CELF2: variants seen among roughly 807,000 people sequenced by gnomAD.
CELF2 encodes CUG triplet repeat RNA-binding protein 2.
In CELF2, 8 loss-of-function variants were observed where a neutral mutation model predicts 62.6. The observed-to-expected ratio is 0.13, with a 90% CI of 0.07 to 0.23. The LOEUF (loss-of-function observed/expected upper bound fraction) is 0.23, where lower values mean the gene tolerates loss of function less well. CELF2 is among the 10% of genes least tolerant of loss of function. The probability of loss-of-function intolerance (pLI) is 1.00; values close to 1 mark genes in which losing one functional copy is unlikely to be tolerated. For missense variants in CELF2, 333 were observed against 671.0 expected, an observed-to-expected ratio of 0.50 and a Z score of 5.56; for synonymous variants, 258 against 250.0, an observed-to-expected ratio of 1.03 and a Z score of -0.30.
intron 2 of CELF2, among the ~76,000 whole-genome samples, chr10:11,185,658 C>T (rs949306604): frequency 3.3e-5 from 5 of 152,226 alleles, no homozygotes; most frequent in African/African-American, 1.2e-4. Flanking sequence ...AGGTGATGCG[C>T]CTGCCTCAGC....
chr10:10,682,397 G>C, the CELF2 span, among the ~76,000 whole-genome samples: 155 of 152,276 alleles, frequency 1.0e-3, 1 homozygote, highest in African/African-American at 3.7e-3. Flanking sequence ...TGTTAGCATA[G>C]AGCATGTTTC....
chr10:10,545,808 A>G, the CELF2 span, among the ~76,000 whole-genome samples: 2 of 152,216 alleles, frequency 1.3e-5, no homozygotes, highest in Admixed American at 6.5e-5. Context: ...GAGCAAAGCC[A>G]CTCAGAAATA....
the CELF2 span, among the ~76,000 whole-genome samples, chr10:10,730,778 A>G: frequency 6.6e-6 from 1 of 152,296 alleles, no homozygotes; most frequent in Admixed American, 6.5e-5. Context: ...GGAAGCACCC[A>G]GGTCACTTCC....
At chr10:10,926,770 A>C (rs1467301961) in intron 2 of CELF2, among the ~76,000 whole-genome samples, 2 of 152,154 alleles carry the variant, frequency 1.3e-5, no homozygotes, top group African/African-American at 2.4e-5. Flanking sequence ...GAAAGGTAGG[A>C]GTCGGGGTAA....
At chr10:10,660,191 C>T in the CELF2 span, among the ~76,000 whole-genome samples, 4 of 152,148 alleles carry the variant, frequency 2.6e-5, no homozygotes, top group Non-Finnish European at 4.4e-5. Flanking sequence ...AAACTGTTCA[C>T]GGATGATCAT....
At chr10:10,736,772 T>C in the CELF2 span, among the ~76,000 whole-genome samples, 1 of 152,162 alleles carries the variant, frequency 6.6e-6, no homozygotes, top group African/African-American at 2.4e-5. Flanking sequence ...CAAGAGGTTT[T>C]ACTAATAACA....
In CELF2 at chr10:11,330,621, A is replaced by G. The variant is rs2095991951; in HGVS notation, c.*1568A>G. 2 of 152,414 alleles carry G rather than the reference A, an allele frequency of 1.3e-5. No homozygotes were observed. Among genetic ancestry groups the G allele is most frequent in the African/African-American group, 4.8e-5 (2 of 41,364 alleles). The allele number at this position is 152,414 out of a possible 1,614,324, so 9.4% of individuals were successfully genotyped here. ...GTTTGACCTTTGAAATTTGCATGTG[A>G]CCTCATCTAGCTATGAATTCTGGGA... On this transcript the variant is annotated 3_prime_UTR_variant, in exon 13 of 13. Coordinates refer to ENST00000633077, the MANE Select transcript of CELF2 (RefSeq NM_001326342.2). This position sits in a 1 kb window ranked among gnomAD's most constrained non-coding sequence, Gnocchi z 4.5.
the CELF2 span, among the ~76,000 whole-genome samples, chr10:10,728,060 TG>T: frequency 6.6e-6 from 1 of 151,466 alleles, no homozygotes; most frequent in South Asian, 2.1e-4. Flanking sequence ...GAGAGAGGGT[TG>T]GGGAAGTCTC....
At chr10:10,746,851 C>A in the CELF2 span, among the ~76,000 whole-genome samples, 1 of 152,190 alleles carries the variant, frequency 6.6e-6, no homozygotes, top group East Asian at 1.9e-4. Context: ...CAACCTAATA[C>A]CACATCACTG....
Position 10,938,831 on chromosome 10 carries a change from G to C in CELF2, c.89+18832G>C, listed in dbSNP as rs183023158. Among the ~76,000 whole-genome samples the C allele has an allele frequency of 1.5e-3, 221 of 152,314 alleles. No homozygotes were observed. Among genetic ancestry groups the C allele is most frequent in the African/African-American group, 4.6e-3 (190 of 41,568 alleles). ...GGACCCCGTGAAGCACTGCCCCACC[G>C]AGGGACGCAGAAGCAGCTGTCTTTT... On this transcript the variant is annotated intron_variant, in intron 2 of 13. Coordinates refer to the CELF2 transcript ENST00000636488. The surrounding 1 kb of genome is among the most constrained non-coding windows in gnomAD (Gnocchi z 4.2).
chr10:11,099,451 G>A (rs1403012079), intron 1 of CELF2, among the ~76,000 whole-genome samples: 1 of 152,138 alleles, frequency 6.6e-6, no homozygotes, highest in Non-Finnish European at 1.5e-5. Context: ...TGACCTTGGG[G>A]TCGATTCTTT....
At chr10:10,738,081 G>T in the CELF2 span, among the ~76,000 whole-genome samples, 1 of 152,154 alleles carries the variant, frequency 6.6e-6, no homozygotes, top group Non-Finnish European at 1.5e-5. Flanking sequence ...GGAGTTCCTG[G>T]GGGTCCATTT....
intron 3 of CELF2, among the ~76,000 whole-genome samples, chr10:11,232,272 C>A (rs1237293375): frequency 6.6e-6 from 1 of 152,010 alleles, no homozygotes; most frequent in Non-Finnish European, 1.5e-5. Context: ...TCTGTTGTTT[C>A]AGTATCTGAT....
At chr10:10,792,807 C>T in the CELF2 span, among the ~76,000 whole-genome samples, 3 of 152,132 alleles carry the variant, frequency 2.0e-5, no homozygotes, top group Non-Finnish European at 4.4e-5. Flanking sequence ...TTTTTCCCCC[C>T]TACTGTATGT....
the CELF2 span, among the ~76,000 whole-genome samples, chr10:10,480,256 G>A: frequency 3.9e-5 from 6 of 152,188 alleles, no homozygotes; most frequent in East Asian, 1.9e-4. Context: ...ACAGGCCTCT[G>A]AGTCATGTCT....
the CELF2 span, among the ~76,000 whole-genome samples, chr10:10,471,353 TAA>T: frequency 6.6e-6 from 1 of 151,758 alleles, no homozygotes; most frequent in African/African-American, 2.4e-5. Context: ...TCTTTATTAT[TAA>T]ATATTTGTCT....
At chr10:11,251,623 G>A (rs1218008341) in intron 4 of CELF2, among the ~76,000 whole-genome samples, 1 of 151,948 alleles carries the variant, frequency 6.6e-6, no homozygotes, top group Non-Finnish European at 1.5e-5. Flanking sequence ...CCGACTCCAC[G>A]CTTGTTGGTT....
chr10:10,530,252 T>C, the CELF2 span, among the ~76,000 whole-genome samples: 1 of 152,296 alleles, frequency 6.6e-6, no homozygotes, highest in African/African-American at 2.4e-5. Context: ...CTAGGTACGA[T>C]GCTTGTTTTT....
intron 1 of CELF2, among the ~76,000 whole-genome samples, chr10:11,106,207 T>TCTTA (rs1554839840): frequency 2.8e-5 from 4 of 140,440 alleles, no homozygotes; most frequent in African/African-American, 1.1e-4. Flanking sequence ...TTTTACTTTA[T>TCTTA]TTTATTTATT....
Sources: gnomAD v4.1 joint callset for allele counts (sites outside exome capture counted in the v4.1 genomes callset) on GRCh38, gnomAD v4.1.1 for gene constraint, Gnocchi (gnomAD v3.1) non-coding constraint, MANE v1.5 for transcripts, NCBI Gene and HGNC (gene_info 2026-07-23, HGNC 2026-07-21) for gene names.